GPRC5A: variants seen among roughly 807,000 people sequenced by gnomAD.
GPRC5A encodes the protein retinoic acid-induced protein 3.
GPRC5A carries 19 observed loss-of-function variants against 22.5 expected under a neutral mutation model. The observed-to-expected ratio is 0.85, with a 90% CI of 0.59 to 1.24. The LOEUF (loss-of-function observed/expected upper bound fraction) is 1.24. Among genes scored for constraint, GPRC5A ranks in the 50% most tolerant of loss-of-function variants. The probability of loss-of-function intolerance (pLI) is 0.00; values close to 1 mark genes in which losing one functional copy is unlikely to be tolerated. For synonymous variants in GPRC5A, 192 were observed against 184.5 expected, an observed-to-expected ratio of 1.04 and a Z score of -0.33; for missense variants, 471 against 451.1, an observed-to-expected ratio of 1.04 and a Z score of -0.40.
rs753820450 is a variant in GPRC5A, at chr12:12,908,446, C to G, written c.197C>G (p.Pro66Arg). The change falls in exon 2 of 4, where the codon CCT becomes CGT. Residue 66 changes from proline to arginine, a missense_variant. Transcript: ENST00000014914. ...VQDSNRRKML[P>R]TQFLFLLGVL... ...GACTCCAACAGGCGAAAAATGCTGC[C>G]TACTCAGTTTCTCTTCCTCCTGGGT... 5.6e-6 allele frequency: 9 copies of G among 1,613,906 alleles called. No homozygotes were observed. The Middle Eastern group carries it at 8.2e-4, about 147-fold the overall frequency.
In GPRC5A at chr12:12,915,744, C is replaced by A; in HGVS notation, c.*3205C>A. On this transcript the variant is annotated 3_prime_UTR_variant, in exon 4 of 4. Transcript: ENST00000014914. ...AAACCTCGTGATCCACCTACCTTGG[C>A]CTCTGAAAGTGCTGGGATACCGTGG... The A allele has an allele frequency of 2.6e-6, 1 of 385,210 alleles. No individual in the cohort carries two copies. Among genetic ancestry groups the A allele is most frequent in the South Asian group, 2.0e-5 (1 of 51,046 alleles). 23.9% of individuals were successfully genotyped at this position (385,210 alleles called of 1,614,324 possible). A position where few individuals can be genotyped will look rare whatever the true frequency, so the allele number is the denominator to read the frequency against.
intron 1 of GPRC5A, among the ~76,000 whole-genome samples, chr12:12,907,242 A>G (rs1863951528): frequency 6.8e-6 from 1 of 146,930 alleles, no homozygotes; most frequent in Non-Finnish European, 1.5e-5. Flanking sequence ...CTAAAAATAC[A>G]AAAAAAAAAT....
intron 1 of GPRC5A, among the ~76,000 whole-genome samples, chr12:12,896,246 T>G (rs924360098): frequency 1.3e-5 from 2 of 152,102 alleles, no homozygotes; most frequent in African/African-American, 4.8e-5. Context: ...GTGTAGAAAT[T>G]GGGATGAACA....
chr12:12,915,306 C>T lies in GPRC5A; in HGVS notation c.*2767C>T, dbSNP rs745545722. 6.6e-6 allele frequency: 1 copy of T among 152,272 alleles called. No individual in the cohort carries two copies. Among genetic ancestry groups the T allele is most frequent in the Non-Finnish European group, 1.5e-5 (1 of 68,114 alleles). 9.4% of individuals were successfully genotyped at this position (152,272 alleles called of 1,614,324 possible). A position where few individuals can be genotyped will look rare whatever the true frequency, so the allele number is the denominator to read the frequency against. ...AACAGGATCCAGGCATGGGTCTTTA[C>T]ACTGATAGTTACAGTAAGTTTTAAA... is the stretch of plus-strand genomic sequence containing the variant. On this transcript the variant is annotated 3_prime_UTR_variant, in exon 4 of 4. Transcript: ENST00000014914.
In GPRC5A at chr12:12,913,513, CTGTA is replaced by C. The variant is rs1864029460; in HGVS notation, c.*975_*978del. ...CTTCTCTCATCTTGCACCCCAACCT[CTGTA>C]AATAGATTTACCGCATTTACGGCTG... On this transcript the variant is annotated 3_prime_UTR_variant, in exon 4 of 4. Transcript: ENST00000014914. 1 of 152,258 alleles carries C rather than the reference CTGTA, an allele frequency of 6.6e-6. No individual in the cohort carries two copies. Among genetic ancestry groups the C allele is most frequent in the African/African-American group, 2.4e-5 (1 of 41,462 alleles). The allele number at this position is 152,258 out of a possible 1,614,324, so 9.4% of individuals were successfully genotyped here.
rs1205411279 is a variant in GPRC5A at position 12,909,047 on chromosome 12, G to T, written c.798G>T (p.Trp266Cys). 1 of 1,611,846 alleles carries T rather than the reference G, an allele frequency of 6.2e-7. No homozygotes were observed. The highest frequency in any genetic ancestry group is 8.5e-7 in the Non-Finnish European group (1 of 1,179,998). The change falls in exon 2 of 4, where the codon TGG becomes TGT. Residue 266 changes from tryptophan to cysteine, a missense_variant. Transcript: ENST00000014914. ...TGGCTTATGTTAGTCCCGAGTTTTG[G>T]CTGCTCACAAAGCAACGAAACCCCA... ...FLLAYVSPEF[W>C]LLTKQRNPMD...
intron 1 of GPRC5A, among the ~76,000 whole-genome samples, chr12:12,901,503 T>C (rs1245658123): frequency 6.6e-6 from 1 of 152,022 alleles, no homozygotes; most frequent in East Asian, 1.9e-4. Context: ...TCCTCCTGAC[T>C]CCCCTTACCC....
At chr12:12,901,320 G>C (rs1421544471) in intron 1 of GPRC5A, among the ~76,000 whole-genome samples, 1 of 152,104 alleles carries the variant, frequency 6.6e-6, no homozygotes, top group Non-Finnish European at 1.5e-5. Flanking sequence ...AGATAGGAGC[G>C]GGGTTCAGAC....
rs1481634574 is a variant in GPRC5A, at chr12:12,913,569, A to G, written c.*1030A>G. On this transcript the variant is annotated 3_prime_UTR_variant, in exon 4 of 4. Transcript: ENST00000014914. The stretch of plus-strand genomic sequence containing the variant: ...ATTCTGTAAGTGGGCATGGTCTCCT[A>G]ATGGAGGAGTGTTCATTGTATAATA... The G allele has an allele frequency of 6.6e-6, 1 of 152,108 alleles. No homozygotes were observed. Among genetic ancestry groups the G allele is most frequent in the Non-Finnish European group, 1.5e-5 (1 of 68,034 alleles). 9.4% of individuals were successfully genotyped at this position (152,108 alleles called of 1,614,324 possible).
intron 1 of GPRC5A, among the ~76,000 whole-genome samples, chr12:12,893,733 AT>A (rs1469937154): frequency 1.3e-5 from 2 of 149,628 alleles, no homozygotes; most frequent in Admixed American, 1.4e-4. Flanking sequence ...AAATAAAGTG[AT>A]TTTTGTTTTG....
chr12:12,904,124 G>A (rs1011736263), intron 1 of GPRC5A, among the ~76,000 whole-genome samples: 4 of 152,084 alleles, frequency 2.6e-5, no homozygotes, highest in African/African-American at 9.7e-5. Context: ...GAAGTGCACA[G>A]GGCCTGAGTT....
At chr12:12,902,775 A>T (rs751762742) in intron 1 of GPRC5A, among the ~76,000 whole-genome samples, 2 of 150,962 alleles carry the variant, frequency 1.3e-5, no homozygotes, top group African/African-American at 4.9e-5. Flanking sequence ...TATCTCAAAA[A>T]GAAAAAAAAG....
chr12:12,901,952 A>G (rs1863892385), intron 1 of GPRC5A, among the ~76,000 whole-genome samples: 2 of 152,174 alleles, frequency 1.3e-5, no homozygotes, highest in Non-Finnish European at 2.9e-5. Flanking sequence ...TTCCTGCTCT[A>G]GCCCTTTGCT....
At chr12:12,904,884 G>GTTT (rs146219111) in intron 1 of GPRC5A, among the ~76,000 whole-genome samples, 11 of 127,280 alleles carry the variant, frequency 8.6e-5, no homozygotes, top group Non-Finnish European at 9.8e-5. Context: ...AAATTTTGTG[G>GTTT]TTTTTTTTTT....
At chr12:12,895,596 C>T (rs952432855) in intron 1 of GPRC5A, among the ~76,000 whole-genome samples, 2 of 151,612 alleles carry the variant, frequency 1.3e-5, no homozygotes, top group African/African-American at 4.8e-5. Context: ...ATCAGTTTAG[C>T]TTTGAACTTG....
rs1863967183 is a variant in GPRC5A at position 12,908,536 on chromosome 12, C to T, written c.287C>T (p.Thr96Ile). ...GGACTGGACGGGAGCACAGGGCCCACACGCTTCTTCCTCTTTGGGATCCTC... is the reference window on the plus strand; with the variant it reads ...GGACTGGACGGGAGCACAGGGCCCATACGCTTCTTCCTCTTTGGGATCCTC... ...IIGLDGSTGP[T>I]RFFLFGILFS... The change falls in exon 2 of 4, where the codon ACA becomes ATA. Residue 96 changes from threonine (T) to isoleucine (I), a missense_variant. Thr to Ile is a moderately conservative substitution (Grantham distance 89). Coordinates refer to ENST00000014914, the MANE Select transcript of GPRC5A (RefSeq NM_003979.4). The T allele has an allele frequency of 1.2e-6, 2 of 1,614,178 alleles. No homozygotes were observed. The highest frequency in any genetic ancestry group is 1.7e-6 in the Non-Finnish European group (2 of 1,180,044).
At chr12:12,897,067 A>G (rs61546831) in intron 1 of GPRC5A, among the ~76,000 whole-genome samples, 2,916 of 152,010 alleles carry the variant, frequency 0.019, 79 homozygotes, top group African/African-American at 0.061. Context: ...CGTCTACTAA[A>G]AATATAATAA....
intron 1 of GPRC5A, among the ~76,000 whole-genome samples, chr12:12,893,470 A>C (rs943662140): frequency 2.6e-5 from 4 of 152,160 alleles, no homozygotes; most frequent in African/African-American, 9.7e-5. Context: ...TTGCTTGAGG[A>C]ATCTTTGACT....
chr12:12,895,433 T>A (rs569458309), intron 1 of GPRC5A, among the ~76,000 whole-genome samples: 5 of 152,020 alleles, frequency 3.3e-5, no homozygotes, highest in Non-Finnish European at 7.4e-5. Flanking sequence ...TACTTGTTAT[T>A]GTCATCTAAT....
Sources: gnomAD v4.1 joint callset for allele counts (sites outside exome capture counted in the v4.1 genomes callset) on GRCh38, gnomAD v4.1.1 for gene constraint, MANE v1.5 for transcripts, NCBI Gene and HGNC (gene_info 2026-07-23, HGNC 2026-07-21) for gene names.